Variants in CNOT1 observed in about 807,000 individuals in gnomAD.
CNOT1 encodes the protein CCR4-associated factor 1.
Under a neutral mutation model 273.8 loss-of-function variants are expected in CNOT1, and 15 were observed. The ratio of observed to expected loss-of-function variants is 0.05; its 90% CI spans 0.04 to 0.08. The LOEUF is 0.08. Ranked by LOEUF, CNOT1 falls within the 10% of genes least tolerant of loss-of-function variation. The pLI is 1.00. For missense variants in CNOT1, 1,644 were observed against 2,912.2 expected, an observed-to-expected ratio of 0.56 and a Z score of 10.02; for synonymous variants, 1,022 against 1,005.5, an observed-to-expected ratio of 1.02 and a Z score of -0.31.
chr16:58,539,466 T>TAC (rs55998166), intron 35 of CNOT1, among the ~76,000 whole-genome samples: 19,678 of 145,154 alleles, frequency 0.14, 1,677 homozygotes, highest in African/African-American at 0.26. Context: ...CCCTGTCTCT[T>TAC]ACACACACAC....
At chr16:58,589,186 A>G (rs1245806159) in intron 2 of CNOT1, among the ~76,000 whole-genome samples, 1 of 152,056 alleles carries the variant, frequency 6.6e-6, no homozygotes, top group Admixed American at 6.6e-5. Flanking sequence ...ACAGGCATAC[A>G]CCACTGCTTC....
chr16:58,587,053 C>G, intron 6 of CNOT1, 148 bp downstream of exon 6: 1 of 1,163,380 alleles, frequency 8.6e-7, no homozygotes, highest in Admixed American at 2.8e-5. Flanking sequence ...ATGAGGGTAA[C>G]ATTTATATTA....
Position 58,575,137 on chromosome 16 carries a change from A to AC in CNOT1, c.1705-9dup. 6.2e-7 allele frequency: 1 copy of AC among 1,611,552 alleles called. No individual in the cohort carries two copies. Among genetic ancestry groups the AC allele is most frequent in the Admixed American group, 1.7e-5 (1 of 59,256 alleles). ...TAGCAGCATTGACAAGGCCTAAAGG[A>AC]CAAAGCACATTAGATAATGCAAATG... On this transcript the variant is annotated splice_polypyrimidine_tract_variant and intron_variant, in intron 14 of 48. Transcript: ENST00000317147.
Position 58,556,945 on chromosome 16 carries a change from A to G in CNOT1, c.2381T>C (p.Leu794Pro). The G allele has an allele frequency of 6.2e-7, 1 of 1,614,170 alleles. No homozygotes were observed. Among genetic ancestry groups the G allele is most frequent in the Non-Finnish European group, 8.5e-7 (1 of 1,180,020 alleles). ...GSLTGIGTGA[L>P]GLPAVNNDPF... ...GTCGTTATTCACTGCAGGGAGTCCA[A>G]GAGCACCAGTTCCTATACCAGTCAG... is the stretch of plus-strand genomic sequence containing the variant. Residue 794 changes from leucine to proline, a missense_variant, in exon 19 of 49, where the codon CTT becomes CCT. Physicochemically the swap from Leu to Pro is moderately conservative, Grantham distance 98. Transcript: ENST00000317147.
At chr16:58,556,354 G>C (rs906979019) in intron 19 of CNOT1, among the ~76,000 whole-genome samples, 1 of 152,146 alleles carries the variant, frequency 6.6e-6, no homozygotes, top group Non-Finnish European at 1.5e-5. Flanking sequence ...CAAGTCAGCT[G>C]GAATACTTTC....
chr16:58,532,698 T>C (rs965919010), intron 40 of CNOT1: 3 of 322,534 alleles, frequency 9.3e-6, no homozygotes, highest in African/African-American at 6.2e-5. Context: ...TTTCACCATG[T>C]TAACACAATA....
intron 1 of CNOT1, among the ~76,000 whole-genome samples, chr16:58,625,449 T>C (rs1416201719): frequency 6.6e-6 from 1 of 151,760 alleles, no homozygotes; most frequent in East Asian, 1.9e-4. Flanking sequence ...GAGCCGGAGG[T>C]TGCACTGAGC....
intron 22 of CNOT1, among the ~76,000 whole-genome samples, chr16:58,552,217 A>G (rs1162536535): frequency 6.6e-6 from 1 of 152,072 alleles, no homozygotes; most frequent in Non-Finnish European, 1.5e-5. Context: ...AGTTATTATC[A>G]CAATAAAGCT....
rs1464097879 is a variant in CNOT1, at chr16:58,520,388, C to T, written c.*570G>A. ...GCTTTGGAATACGTTTGGGTAGAGA[C>T]AAAATGGAAACTCATGGGATTCCAA... On this transcript the variant is annotated 3_prime_UTR_variant, in exon 49 of 49. Coordinates refer to ENST00000317147, the MANE Select transcript of CNOT1 (RefSeq NM_016284.5). 6.5e-6 allele frequency: 1 copy of T among 154,062 alleles called. No homozygotes were observed. Among genetic ancestry groups the T allele is most frequent in the African/African-American group, 2.4e-5 (1 of 41,428 alleles). 9.5% of individuals were successfully genotyped at this position (154,062 alleles called of 1,614,324 possible). A position where few individuals can be genotyped will look rare whatever the true frequency, so the allele number is the denominator to read the frequency against.
intron 46 of CNOT1, chr16:58,523,723 C>T (rs941596558): frequency 5.6e-5 from 23 of 413,190 alleles, no homozygotes; most frequent in Non-Finnish European, 9.6e-5. Flanking sequence ...TTTTTAAAAA[C>T]AGACCCACTA....
Position 58,537,134 on chromosome 16 carries a change from G to C in CNOT1, c.5501C>G (p.Ser1834Cys). Residue 1834 changes from serine to cysteine, a missense_variant, in exon 39 of 49, where the codon TCT (serine) becomes TGT (cysteine). Physicochemically the swap from Ser to Cys is moderately radical, Grantham distance 112. Transcript: ENST00000317147. ...AHGGPNFMMH[S>C]GISQASEYDD... ...ATACTCTGAGGCTTGAGAGATCCCA[G>C]AATGCATCATAAAGTTTGGGCCTCC... is the stretch of plus-strand genomic sequence containing the variant. The C allele has an allele frequency of 6.2e-7, 1 of 1,614,096 alleles. No homozygotes were observed. The highest frequency in any genetic ancestry group is 1.1e-5 in the South Asian group (1 of 91,064).
intron 2 of CNOT1, among the ~76,000 whole-genome samples, chr16:58,596,446 A>G (rs534616471): frequency 6.6e-6 from 1 of 152,288 alleles, no homozygotes; most frequent in South Asian, 2.1e-4. Flanking sequence ...GGTACCTAAC[A>G]GAAGTGTGTG....
At chr16:58,530,048 G>C (rs565790921) in intron 43 of CNOT1, among the ~76,000 whole-genome samples, 198 bp downstream of exon 43, 1 of 152,168 alleles carries the variant, frequency 6.6e-6, no homozygotes, top group East Asian at 1.9e-4. Context: ...TAAAACTGTA[G>C]TATCTTCTAC....
intron 16 of CNOT1, among the ~76,000 whole-genome samples, chr16:58,566,555 T>C (rs1425065285): frequency 2.0e-5 from 3 of 152,252 alleles, no homozygotes; most frequent in African/African-American, 7.2e-5. Context: ...ACTTTAGAAC[T>C]TGAAACTGTA....
intron 12 of CNOT1, among the ~76,000 whole-genome samples, chr16:58,579,211 A>G (rs1298901921): frequency 6.6e-6 from 1 of 152,240 alleles, no homozygotes; most frequent in Non-Finnish European, 1.5e-5. Context: ...ATGAGAAAAC[A>G]GGTAAGAAAA....
At chr16:58,558,337 G>C in intron 18 of CNOT1, 136 bp downstream of exon 18, 1 of 1,421,272 alleles carries the variant, frequency 7.0e-7, no homozygotes, top group Non-Finnish European at 9.4e-7. Context: ...TCCCAACTTT[G>C]GATACTGAAG....
intron 23 of CNOT1, 39 bp downstream of exon 23, chr16:58,551,550 T>G (rs983201850): frequency 7.6e-6 from 12 of 1,581,996 alleles, no homozygotes; most frequent in Non-Finnish European, 1.0e-5. Flanking sequence ...TACAATATAA[T>G]CATAAATCCT....
chr16:58,614,104 A>AG (rs2042997946), intron 1 of CNOT1, among the ~76,000 whole-genome samples: 1 of 120,516 alleles, frequency 8.3e-6, no homozygotes, highest in African/African-American at 2.8e-5. Context: ...AAAAAAAAAA[A>AG]AAGAAAAGAA....
chr16:58,568,346 C>A (rs1376437301), intron 16 of CNOT1, among the ~76,000 whole-genome samples: 5 of 147,350 alleles, frequency 3.4e-5, no homozygotes, highest in Non-Finnish European at 6.0e-5. Context: ...CCAGGCTGGG[C>A]AACAAGAGCG....
Sources: allele counts gnomAD v4.1 joint callset (sites outside exome capture counted in the v4.1 genomes callset), GRCh38; gene constraint gnomAD v4.1.1; transcripts MANE v1.5; gene names NCBI Gene and HGNC (gene_info 2026-07-23, HGNC 2026-07-21).